Variants in SDC3 observed in about 807,000 individuals in gnomAD.
SDC3 encodes syndecan-3.
In SDC3, 13 loss-of-function variants were observed where a neutral mutation model predicts 24.4. That is an observed-to-expected ratio of 0.53 (90% confidence interval 0.35 to 0.85). SDC3 has a LOEUF of 0.85. Ranked by LOEUF, SDC3 falls within the 40% of genes least tolerant of loss-of-function variation. The pLI, the probability that SDC3 is intolerant of heterozygous loss-of-function variation, is 0.01. For missense variants in SDC3, 571 were observed against 584.5 expected (o/e 0.98, Z 0.24); for synonymous variants, 295 against 260.9 (o/e 1.13, Z -1.26).
intron 1 of SDC3, among the ~76,000 whole-genome samples, chr1:30,897,643 C>G (rs1251792461): frequency 6.6e-6 from 1 of 151,904 alleles, no homozygotes; most frequent in African/African-American, 2.4e-5. Flanking sequence ...CCATGCTTTA[C>G]AGTTAGAAAT....
In SDC3 at chr1:30,908,589, C is replaced by G. The variant is rs1278724059; in HGVS notation, c.-3G>C. On this transcript the variant is annotated 5_prime_UTR_variant, in exon 1 of 5. Transcript: ENST00000339394. Reference sequence around the variant, plus strand: ...CGGTGCGGCGGCCCCGGCTTCATGGCGGCGGCGCGGGCGCGGGCGGCGGGC... The same window carrying G: ...CGGTGCGGCGGCCCCGGCTTCATGGGGGCGGCGCGGGCGCGGGCGGCGGGC... The G allele has an allele frequency of 4.1e-6, 4 of 974,638 alleles. No homozygotes were observed. The African/African-American group carries it at 7.3e-5, about 18-fold the overall frequency. 60.4% of individuals were successfully genotyped at this position (974,638 alleles called of 1,614,324 possible).
At position 30,874,546 on chromosome 1, in the gene SDC3, G is replaced by C. The variant is rs771612410; in HGVS notation, c.913C>G (p.Pro305Ala). The C allele has an allele frequency of 2.5e-6, 4 of 1,614,016 alleles. No individual in the cohort carries two copies. Among genetic ancestry groups the C allele is most frequent in the Admixed American group, 3.3e-5 (2 of 59,996 alleles). Reference protein sequence around the residue: ...ETFLTTIRDEPEVPVSGGPSG... With the variant: ...ETFLTTIRDEAEVPVSGGPSG... ...GGCCCCCCACTCACCGGAACCTCTGGCTCATCCCGGATTGTGGTCAGGAAG... is the reference window on the plus strand; with the variant it reads ...GGCCCCCCACTCACCGGAACCTCTGCCTCATCCCGGATTGTGGTCAGGAAG... The change falls in exon 4 of 5, where the codon CCA (proline) becomes GCA (alanine). Residue 305 changes from proline to alanine, a missense_variant. Pro to Ala is a conservative substitution (Grantham distance 27). Around this residue, in one of 2 missense-constraint regions of SDC3, gnomAD observed 497 missense variants for 471.6 expected, o/e 1.05. Coordinates refer to ENST00000339394, the MANE Select transcript of SDC3 (RefSeq NM_014654.4).
In SDC3 at chr1:30,908,547, C is replaced by T; in HGVS notation, c.40G>A (p.Gly14Arg). 1 of 966,690 alleles carries T rather than the reference C, an allele frequency of 1.0e-6. No individual in the cohort carries two copies. Among genetic ancestry groups the T allele is most frequent in the Non-Finnish European group, 1.2e-6 (1 of 818,236 alleles). The allele number at this position is 966,690 out of a possible 1,614,324, so 59.9% of individuals were successfully genotyped here. ...GCGGCCCCGGCCCCGGCGCCGGCCC[C>T]GTGGGCGGCCCCGGCACGGTGCGGC... ...GPPHRAGAAH[G>R]AGAGAGAAAG... The change falls in exon 1 of 5, where the codon GGG becomes AGG. Residue 14 changes from glycine to arginine, a missense_variant. By Grantham distance (125) the Gly-to-Arg change is moderately radical (BLOSUM62 -2). This residue lies in a region of SDC3 where 497 missense variants were observed against 471.6 expected (regional missense o/e 1.05). Transcript: ENST00000339394.
At chr1:30,898,263 C>G (rs184586794) in intron 1 of SDC3, among the ~76,000 whole-genome samples, 31 of 152,314 alleles carry the variant, frequency 2.0e-4, no homozygotes, top group Admixed American at 1.8e-3. Context: ...ACTTCTCAGA[C>G]TTTGTCCATC....
chr1:30,879,331 T>A lies in SDC3; in HGVS notation c.139-591A>T, dbSNP rs142869625. On this transcript the variant is annotated intron_variant, in intron 1 of 4. Coordinates refer to ENST00000339394, the MANE Select transcript of SDC3 (RefSeq NM_014654.4). The stretch of plus-strand genomic sequence containing the variant: ...TCACAAAATGCACACACACACATAG[T>A]CTCAAAGTAATGAATTAATCAGTAT... Among the ~76,000 whole-genome samples, 582 of 152,246 alleles carry A rather than the reference T, an allele frequency of 3.8e-3. 4 individuals are homozygous for A. Among genetic ancestry groups the A allele is most frequent in the African/African-American group, 0.013 (547 of 41,538 alleles).
chr1:30,896,975 AC>A (rs1342938219), intron 1 of SDC3, among the ~76,000 whole-genome samples: 3 of 152,186 alleles, frequency 2.0e-5, no homozygotes, highest in Admixed American at 1.3e-4. Flanking sequence ...AAACAAAAAA[AC>A]AGGAGCGTGG....
At chr1:30,907,171 G>T (rs112140101) in intron 1 of SDC3, among the ~76,000 whole-genome samples, 7 of 152,192 alleles carry the variant, frequency 4.6e-5, no homozygotes, top group African/African-American at 1.7e-4. Flanking sequence ...TTTTCAGCCT[G>T]GGGGATGCAG....
intron 1 of SDC3, among the ~76,000 whole-genome samples, chr1:30,894,646 TGG>T (rs1639973027): frequency 3.5e-4 from 9 of 25,766 alleles, no homozygotes; most frequent in Non-Finnish European, 6.2e-4. Flanking sequence ...TGGGTGTGTG[TGG>T]GGTGTGTGTG....
intron 2 of SDC3, 144 bp from the exon 3 acceptor site, chr1:30,877,309 G>A (rs1639662885): frequency 1.8e-6 from 2 of 1,118,776 alleles, no homozygotes; most frequent in Non-Finnish European, 2.6e-6. Context: ...TGAGAGAAAG[G>A]AGGAAGGCAC....
At chr1:30,876,513 T>C in intron 3 of SDC3, 39 bp downstream of exon 3, 1 of 687,382 alleles carries the variant, frequency 1.5e-6, no homozygotes, top group Non-Finnish European at 2.2e-6. Context: ...TGACCCACCC[T>C]CCTCCGCCCT....
intron 1 of SDC3, among the ~76,000 whole-genome samples, chr1:30,904,472 G>A (rs935042674): frequency 1.3e-5 from 2 of 151,906 alleles, no homozygotes; most frequent in Non-Finnish European, 2.9e-5. Context: ...GTTTCAAAAG[G>A]CCATTTTTTT....
chr1:30,887,194 A>G (rs1481136514), intron 1 of SDC3, among the ~76,000 whole-genome samples: 3 of 151,348 alleles, frequency 2.0e-5, no homozygotes, highest in Non-Finnish European at 2.9e-5. Context: ...TGCCCCCACC[A>G]TGACTCACCA....
At position 30,873,008 on chromosome 1, in the gene SDC3, C is replaced by T. The variant is rs995596233; in HGVS notation, c.*203G>A. Reference sequence around the variant, plus strand: ...GGAACAAGAGATGAGCTCGTAAGGGCACAGTCTGGGGCAGATGGCAGCAGC... The same window carrying T: ...GGAACAAGAGATGAGCTCGTAAGGGTACAGTCTGGGGCAGATGGCAGCAGC... On this transcript the variant is annotated 3_prime_UTR_variant, in exon 5 of 5. Coordinates refer to ENST00000339394, the MANE Select transcript of SDC3 (RefSeq NM_014654.4). 10 of 582,408 alleles carry T rather than the reference C, an allele frequency of 1.7e-5. No individual in the cohort carries two copies. Among genetic ancestry groups the T allele is most frequent in the Non-Finnish European group, 3.1e-5 (10 of 327,588 alleles). 36.1% of individuals were successfully genotyped at this position (582,408 alleles called of 1,614,324 possible).
rs1177689406 is a variant in SDC3, at chr1:30,876,546, C to A, written c.870+6G>T. On this transcript the variant is annotated splice_donor_region_variant and intron_variant, in intron 3 of 4. Transcript: ENST00000339394. ...CCTCCTCCCTGTCCCTTCTCAACACCCTCACCTGAGCCACCTCTGTGGGTC... is the reference window on the plus strand; with the variant it reads ...CCTCCTCCCTGTCCCTTCTCAACACACTCACCTGAGCCACCTCTGTGGGTC... 3 of 1,513,356 alleles carry A rather than the reference C, an allele frequency of 2.0e-6. No individual in the cohort carries two copies. In the African/African-American group the frequency reaches 4.2e-5, roughly 21 times the overall value. 93.7% of individuals were successfully genotyped at this position (1,513,356 alleles called of 1,614,324 possible).
chr1:30,870,148 C>G lies in SDC3; in HGVS notation c.*3063G>C. On this transcript the variant is annotated 3_prime_UTR_variant, in exon 5 of 5. Coordinates refer to ENST00000339394, the MANE Select transcript of SDC3 (RefSeq NM_014654.4). ...GCTCCCTGTGTCCAGGGGCCCCCACCAGGAGGCCTGACAGGCGGCTTTGCC... is the reference window on the plus strand; with the variant it reads ...GCTCCCTGTGTCCAGGGGCCCCCACGAGGAGGCCTGACAGGCGGCTTTGCC... 1.1e-5 allele frequency: 4 copies of G among 380,088 alleles called. No individual in the cohort carries two copies. Among genetic ancestry groups the G allele is most frequent in the Non-Finnish European group, 1.4e-5 (3 of 214,922 alleles). 23.5% of individuals were successfully genotyped at this position (380,088 alleles called of 1,614,324 possible).
intron 1 of SDC3, among the ~76,000 whole-genome samples, chr1:30,891,685 T>G (rs376670104): frequency 6.6e-6 from 1 of 151,566 alleles, no homozygotes. Context: ...AGACCCCGTC[T>G]CTACTAAAAA....
chr1:30,869,621 G>A lies in SDC3; in HGVS notation c.*3590C>T. On this transcript the variant is annotated 3_prime_UTR_variant, in exon 5 of 5. Transcript: ENST00000339394. Reference sequence around the variant, plus strand: ...CAGGAGAGTACCCGCAGTGGGGCAGGCGCCTTGGTCTCTTTTTTCCACTGT... The same window carrying A: ...CAGGAGAGTACCCGCAGTGGGGCAGACGCCTTGGTCTCTTTTTTCCACTGT... 1 of 398,236 alleles carries A rather than the reference G, an allele frequency of 2.5e-6. No individual in the cohort carries two copies. Among genetic ancestry groups the A allele is most frequent in the East Asian group, 3.6e-5 (1 of 28,078 alleles). The allele number at this position is 398,236 out of a possible 1,614,324, so 24.7% of individuals were successfully genotyped here.
chr1:30,887,271 TG>T (rs1201821289), intron 1 of SDC3, among the ~76,000 whole-genome samples: 13 of 151,996 alleles, frequency 8.6e-5, no homozygotes, highest in Admixed American at 7.2e-4. Flanking sequence ...CGGCAAGGGT[TG>T]CCCGCTCCTG....
chr1:30,907,579 G>C (rs1383741948), intron 1 of SDC3, among the ~76,000 whole-genome samples: 2 of 151,936 alleles, frequency 1.3e-5, no homozygotes, highest in Non-Finnish European at 2.9e-5. Flanking sequence ...AGCCACACAC[G>C]GCCATAGCCA....
Sources: allele counts gnomAD v4.1 joint callset (sites outside exome capture counted in the v4.1 genomes callset), GRCh38; gene constraint gnomAD v4.1.1; regional missense constraint gnomAD v4.1.1; transcripts MANE v1.5; gene names NCBI Gene and HGNC (gene_info 2026-07-23, HGNC 2026-07-21).